WTAP: variants seen among roughly 807,000 people sequenced by gnomAD.
The protein encoded by WTAP is WT1 associated protein, also known as pre-mRNA-splicing regulator WTAP.
WTAP carries 8 observed loss-of-function variants against 50.0 expected under a neutral mutation model. The ratio of observed to expected loss-of-function variants is 0.16; its 90% CI spans 0.09 to 0.29. The LOEUF (loss-of-function observed/expected upper bound fraction) is 0.29, where lower values mean the gene tolerates loss of function less well. Ranked by LOEUF, WTAP falls within the 10% of genes least tolerant of loss-of-function variation. The pLI is 1.00. For synonymous variants in WTAP, 194 were observed against 169.0 expected, an observed-to-expected ratio of 1.15 and a Z score of -1.15; for missense variants, 295 against 470.7, an observed-to-expected ratio of 0.63 and a Z score of 3.45.
Position 159,755,775 on chromosome 6 carries a change from T to TG in WTAP, c.*164_*165insG. The TG allele has an allele frequency of 9.8e-7, 1 of 1,022,172 alleles. No individual in the cohort carries two copies. The highest frequency in any genetic ancestry group is 3.3e-5 in the East Asian group (1 of 30,102). 63.3% of individuals were successfully genotyped at this position (1,022,172 alleles called of 1,614,324 possible). A position where few individuals can be genotyped will look rare whatever the true frequency, so the allele number is the denominator to read the frequency against. Reference sequence around the variant, plus strand: ...TTTTTTTTTTCTTTTCTTTTTTTTTTTTTTTTTTTTTTTTTGCTTCAATAC... The same window carrying TG: ...TTTTTTTTTTCTTTTCTTTTTTTTTTGTTTTTTTTTTTTTTTGCTTCAATAC... On this transcript the variant is annotated 3_prime_UTR_variant, in exon 8 of 8. Coordinates refer to ENST00000621533, the MANE Select transcript of WTAP (RefSeq NM_001270531.2).
chr6:159,755,786 T>TTTTTTTTTTTTC lies in WTAP; in HGVS notation c.*179_*180insTTTTTTTCTTTT, dbSNP rs1779991539. The TTTTTTTTTTTTC allele has an allele frequency of 9.9e-7, 1 of 1,012,990 alleles. No homozygotes were observed. Among genetic ancestry groups the TTTTTTTTTTTTC allele is most frequent in the Non-Finnish European group, 1.3e-6 (1 of 786,580 alleles). 62.8% of individuals were successfully genotyped at this position (1,012,990 alleles called of 1,614,324 possible). On this transcript the variant is annotated 3_prime_UTR_variant, in exon 8 of 8. Transcript: ENST00000621533. Reference sequence around the variant, plus strand: ...TTTTCTTTTTTTTTTTTTTTTTTTTTTTTTGCTTCAATACTTCTGCCGCTT... The same window carrying TTTTTTTTTTTTC: ...TTTTCTTTTTTTTTTTTTTTTTTTTTTTTTTTTTTTTCTTTTGCTTCAATACTTCTGCCGCTT...
At chr6:159,749,460 G>T (rs570996229) in intron 6 of WTAP, 28 of 979,214 alleles carry the variant, frequency 2.9e-5, no homozygotes, top group East Asian at 1.1e-4. Flanking sequence ...AGAATATTAT[G>T]ATGATTTTGT....
chr6:159,727,308 G>A (rs1324750883), upstream of WTAP: 2 of 1,280,546 alleles, frequency 1.6e-6, no homozygotes, highest in Non-Finnish European at 1.0e-6. Flanking sequence ...GAGTGACTGC[G>A]GCCACGCCTG....
chr6:159,730,480 C>T (rs991225486), intron 1 of WTAP, among the ~76,000 whole-genome samples: 29 of 152,040 alleles, frequency 1.9e-4, no homozygotes, highest in Non-Finnish European at 3.7e-4. Context: ...CCAAACTTCT[C>T]GGTACATTCG....
At position 159,755,545 on chromosome 6, in the gene WTAP, T is replaced by G. The variant is rs1779970908; in HGVS notation, c.1125T>G (p.Thr375=). Residue 375 remains threonine (T), a synonymous_variant, in exon 8 of 8, where the codon ACT becomes ACG. Coordinates refer to ENST00000621533, the MANE Select transcript of WTAP (RefSeq NM_001270531.2). ...CAGTGAGTGGGAAAGGTAATCGAAC[T>G]GTGGGTTCCCGCCACGTTCAGAATG... is the stretch of plus-strand genomic sequence containing the variant. ...EKAVSGKGNR[T]VGSRHVQNGL... is the part of the protein sequence containing the mutation. 5.6e-6 allele frequency: 9 copies of G among 1,614,154 alleles called. No homozygotes were observed. The highest frequency in any genetic ancestry group is 7.6e-6 in the Non-Finnish European group (9 of 1,180,028).
At chr6:159,731,102 G>C (rs541983406) in intron 1 of WTAP, 1 of 151,918 alleles carries the variant, frequency 6.6e-6, no homozygotes, top group Non-Finnish European at 1.5e-5. Context: ...GATCATGCCC[G>C]TGCACTCCAG....
intron 7 of WTAP, among the ~76,000 whole-genome samples, chr6:159,754,391 C>G (rs151060844): frequency 3.9e-4 from 59 of 152,248 alleles, no homozygotes; most frequent in African/African-American, 1.4e-3. Flanking sequence ...TGCTATGGAA[C>G]TAAGGCACTG....
intron 3 of WTAP, among the ~76,000 whole-genome samples, chr6:159,740,591 G>A (rs986127176): frequency 6.6e-6 from 1 of 151,610 alleles, no homozygotes; most frequent in Non-Finnish European, 1.5e-5. Context: ...GGTAAACTAC[G>A]TGTCTTAGGT....
At position 159,735,477 on chromosome 6, in the gene WTAP, G is replaced by A. The variant is rs1221930590; in HGVS notation, c.-8-781G>A. 3.9e-5 allele frequency among the ~76,000 whole-genome samples: 6 copies of A among 152,190 alleles called. 1 individual carries two copies. In the South Asian group the frequency reaches 1.0e-3, roughly 26 times the overall value. On this transcript the variant is annotated intron_variant, in intron 1 of 7. Transcript: ENST00000621533. ...TTTTAAAATATGTAATAGGATGGGCGTGGTGGTTCATTCCTGTAATCCCAG... is the reference window on the plus strand; with the variant it reads ...TTTTAAAATATGTAATAGGATGGGCATGGTGGTTCATTCCTGTAATCCCAG...
chr6:159,727,313 C>T (rs1166364851), upstream of WTAP: 3 of 1,272,282 alleles, frequency 2.4e-6, no homozygotes, highest in East Asian at 5.8e-5. Context: ...ACTGCGGCCA[C>T]GCCTGAAAGG....
At chr6:159,736,338 T>C in intron 2 of WTAP, 43 bp downstream of exon 2, 1 of 1,482,962 alleles carries the variant, frequency 6.7e-7, no homozygotes, top group Non-Finnish European at 9.3e-7. Context: ...GTTTTGGGTT[T>C]TTTGGGGGCT....
At chr6:159,726,908 T>A (rs144507732), upstream of WTAP, 12 of 1,288,996 alleles carry the variant, frequency 9.3e-6, no homozygotes, top group Non-Finnish European at 1.1e-5. Flanking sequence ...GCCTCTCTCT[T>A]GAGGTGGCAC....
At chr6:159,736,775 C>G (rs1431418661) in intron 2 of WTAP, 1 of 153,736 alleles carries the variant, frequency 6.5e-6, no homozygotes, top group Non-Finnish European at 1.4e-5. Flanking sequence ...TGTCTAGTCT[C>G]AAATCTCCCC....
At chr6:159,730,280 T>C (rs1778486955) in intron 1 of WTAP, among the ~76,000 whole-genome samples, 1 of 152,252 alleles carries the variant, frequency 6.6e-6, no homozygotes. Flanking sequence ...ATATTTTCTT[T>C]ATTATTTTCC....
chr6:159,742,265 TG>T (rs1779303808), intron 4 of WTAP, 119 bp downstream of exon 4: 1 of 786,496 alleles, frequency 1.3e-6, no homozygotes, highest in Non-Finnish European at 2.0e-6. Context: ...TTATAAGAAC[TG>T]TACATAGGCA....
upstream of WTAP, chr6:159,726,970 C>T: frequency 7.8e-7 from 1 of 1,282,256 alleles, no homozygotes; most frequent in Non-Finnish European, 1.0e-6. Context: ...GAACACAGAG[C>T]GGCCAATCAC....
At chr6:159,729,793 A>G (rs916277727) in intron 1 of WTAP, among the ~76,000 whole-genome samples, 4 of 152,066 alleles carry the variant, frequency 2.6e-5, no homozygotes, top group Admixed American at 1.3e-4. Flanking sequence ...ACATTCAGCT[A>G]TGATTTGTTC....
upstream of WTAP, chr6:159,727,379 G>GAGGGGGGAGGCGGGAGGCGA: frequency 8.9e-7 from 1 of 1,128,338 alleles, no homozygotes; most frequent in Non-Finnish European, 1.1e-6. Flanking sequence ...GAGGCTGGCG[G>GAGGGGGGAGGCGGGAGGCGA]GAGGCGGGAG....
At chr6:159,752,606 G>A (rs1779862266) in intron 6 of WTAP, among the ~76,000 whole-genome samples, 1 of 152,044 alleles carries the variant, frequency 6.6e-6, no homozygotes, top group African/African-American at 2.4e-5. Context: ...CGTGACCACT[G>A]GTCTTATTTT....
Sources: gnomAD v4.1 joint callset for allele counts (sites outside exome capture counted in the v4.1 genomes callset) on GRCh38, gnomAD v4.1.1 for gene constraint, MANE v1.5 for transcripts, NCBI Gene and HGNC (gene_info 2026-07-23, HGNC 2026-07-21) for gene names.